ADAMTS6: variants seen among roughly 807,000 people sequenced by gnomAD.
The protein encoded by ADAMTS6 is A disintegrin and metalloproteinase with thrombospondin motifs 6.
Under a neutral mutation model 144.3 loss-of-function variants are expected in ADAMTS6, and 23 were observed. That is an observed-to-expected ratio of 0.16 (90% CI 0.11 to 0.23). The LOEUF is 0.23. ADAMTS6 is among the 10% of genes least tolerant of loss of function. ADAMTS6 has a pLI of 1.00. For missense variants in ADAMTS6, 999 were observed against 1,379.6 expected (o/e 0.72, Z 4.37); for synonymous variants, 444 against 457.5 (o/e 0.97, Z 0.38).
intron 7 of ADAMTS6, among the ~76,000 whole-genome samples, chr5:65,436,072 T>C (rs1326163800): frequency 1.3e-5 from 2 of 152,174 alleles, no homozygotes; most frequent in African/African-American, 4.8e-5. Flanking sequence ...TTTCTAAAGC[T>C]TAATTAGGGG....
chr5:65,345,117 T>C (rs548649269), intron 7 of ADAMTS6, among the ~76,000 whole-genome samples: 2 of 151,810 alleles, frequency 1.3e-5, no homozygotes, highest in African/African-American at 2.4e-5. Flanking sequence ...TCCTGGAGCA[T>C]AGTAAGTGTT....
chr5:65,376,396 A>T (rs1483608958), intron 7 of ADAMTS6, among the ~76,000 whole-genome samples: 1 of 152,152 alleles, frequency 6.6e-6, no homozygotes, highest in Non-Finnish European at 1.5e-5. Context: ...GGTTGCAGTG[A>T]GCCAAAATTG....
intron 14 of ADAMTS6, among the ~76,000 whole-genome samples, chr5:65,244,134 C>G (rs1014104307): frequency 6.6e-6 from 1 of 151,714 alleles, no homozygotes; most frequent in African/African-American, 2.4e-5. Context: ...AGAAATTGTT[C>G]TAGTTAAGAA....
intron 24 of ADAMTS6, among the ~76,000 whole-genome samples, chr5:65,161,327 C>T (rs1021589582): frequency 3.9e-5 from 6 of 152,210 alleles, no homozygotes; most frequent in African/African-American, 7.2e-5. Context: ...CGTGAGCCAC[C>T]GTGCCCGGCC....
intron 14 of ADAMTS6, among the ~76,000 whole-genome samples, chr5:65,253,370 A>T (rs2112553980): frequency 6.6e-6 from 1 of 152,310 alleles, no homozygotes; most frequent in Non-Finnish European, 1.5e-5. Context: ...ATTTGAACTT[A>T]TTCACTGTAT....
intron 7 of ADAMTS6, among the ~76,000 whole-genome samples, chr5:65,409,162 A>G (rs527649857): frequency 6.6e-6 from 1 of 152,222 alleles, no homozygotes; most frequent in Non-Finnish European, 1.5e-5. Flanking sequence ...AGCAGAACTG[A>G]AGGAGACAGA....
At chr5:65,401,282 T>TC (rs1226550425) in intron 7 of ADAMTS6, among the ~76,000 whole-genome samples, 1 of 152,092 alleles carries the variant, frequency 6.6e-6, no homozygotes, top group African/African-American at 2.4e-5. Context: ...GTCTTTTTTC[T>TC]CCCCTTTTAG....
intron 8 of ADAMTS6, among the ~76,000 whole-genome samples, chr5:65,329,859 T>C (rs1366855888): frequency 3.9e-5 from 6 of 152,096 alleles, no homozygotes; most frequent in Non-Finnish European, 8.8e-5. Context: ...TCTAAAGAGA[T>C]CTGTTTAAGT....
At position 65,334,018 on chromosome 5, in the gene ADAMTS6, AAAAAAAAACC is replaced by A. The variant is rs751613977; in HGVS notation, c.1117+14_1117+23del. The A allele has an allele frequency of 3.6e-5, 51 of 1,413,684 alleles. No individual in the cohort carries two copies. The African/African-American group carries it at 7.5e-4, about 21-fold the overall frequency. The allele number at this position is 1,413,684 out of a possible 1,614,324, so 87.6% of individuals were successfully genotyped here. A position where few individuals can be genotyped will look rare whatever the true frequency, so the allele number is the denominator to read the frequency against. On this transcript the variant is annotated intron_variant, in intron 8 of 24. Transcript: ENST00000381055. ...TTATTAAAAAAAAAAAAAAAAAAAAAAAAAAAAACCAAAAAAAACTTACCCAGTGTTCCAC... is the reference window on the plus strand; with the variant it reads ...TTATTAAAAAAAAAAAAAAAAAAAAAAAAAAAAACTTACCCAGTGTTCCAC...
At chr5:65,161,574 A>G (rs1366930835) in intron 24 of ADAMTS6, among the ~76,000 whole-genome samples, 2 of 152,054 alleles carry the variant, frequency 1.3e-5, no homozygotes, top group Non-Finnish European at 1.5e-5. Flanking sequence ...CACACAACAC[A>G]TTTCCCCTTC....
At chr5:65,402,838 A>G (rs1381365246) in intron 7 of ADAMTS6, among the ~76,000 whole-genome samples, 5 of 152,114 alleles carry the variant, frequency 3.3e-5, no homozygotes, top group African/African-American at 9.7e-5. Context: ...GATCCTAAAA[A>G]GCAAAACAAG....
At chr5:65,380,294 G>A (rs1287367641) in intron 7 of ADAMTS6, among the ~76,000 whole-genome samples, 3 of 151,994 alleles carry the variant, frequency 2.0e-5, no homozygotes, top group Admixed American at 6.6e-5. Flanking sequence ...ACTGGGGGCC[G>A]GGAGTGGTGG....
Position 65,254,140 on chromosome 5 carries a change from C to T in ADAMTS6, c.1830+6460G>A, listed in dbSNP as rs974156502. On this transcript the variant is annotated intron_variant, in intron 14 of 24. Coordinates refer to ENST00000381055, the MANE Select transcript of ADAMTS6 (RefSeq NM_197941.4). ...GATTACAGGAGCGAGCCACCACGCC[C>T]GGCCACATTACTCAGTCTTAACTCC... 8.5e-5 allele frequency among the ~76,000 whole-genome samples: 13 copies of T among 152,124 alleles called. No individual in the cohort carries two copies. The East Asian group carries it at 1.5e-3, about 18-fold the overall frequency.
intron 9 of ADAMTS6, among the ~76,000 whole-genome samples, chr5:65,312,312 T>A (rs964714058): frequency 6.6e-6 from 1 of 152,026 alleles, no homozygotes; most frequent in African/African-American, 2.4e-5. Flanking sequence ...AGGACATTCT[T>A]AATTTAGAAT....
chr5:65,408,655 G>A (rs1011632869), intron 7 of ADAMTS6, among the ~76,000 whole-genome samples: 12 of 152,250 alleles, frequency 7.9e-5, no homozygotes, highest in African/African-American at 2.6e-4. Flanking sequence ...AGACCTAATA[G>A]ACATCTACAG....
chr5:65,458,297 GA>G (rs1759376592), intron 4 of ADAMTS6, among the ~76,000 whole-genome samples: 1 of 152,136 alleles, frequency 6.6e-6, no homozygotes, highest in Non-Finnish European at 1.5e-5. Context: ...TGCAGAATGG[GA>G]AAAGTAGATT....
At chr5:65,304,863 G>T (rs192697832) in intron 9 of ADAMTS6, among the ~76,000 whole-genome samples, 1 of 152,104 alleles carries the variant, frequency 6.6e-6, no homozygotes, top group East Asian at 1.9e-4. Flanking sequence ...AATTATTCCA[G>T]ATTAAATACT....
At chr5:65,219,961 A>G (rs147044018) in intron 18 of ADAMTS6, among the ~76,000 whole-genome samples, 46 of 152,334 alleles carry the variant, frequency 3.0e-4, no homozygotes, top group Non-Finnish European at 4.7e-4. Context: ...CTTCAACAAG[A>G]AGGCAGCAAA....
chr5:65,372,205 G>A (rs1358338808), intron 7 of ADAMTS6, among the ~76,000 whole-genome samples: 5 of 139,436 alleles, frequency 3.6e-5, no homozygotes, highest in Non-Finnish European at 6.0e-5. Context: ...CAACTACCGA[G>A]CAAAATAACC....
Sources: allele counts gnomAD v4.1 joint callset (sites outside exome capture counted in the v4.1 genomes callset), GRCh38; gene constraint gnomAD v4.1.1; transcripts MANE v1.5; gene names NCBI Gene and HGNC (gene_info 2026-07-23, HGNC 2026-07-21).